PDE4D: variants seen among roughly 807,000 people sequenced by gnomAD.
PDE4D encodes phosphodiesterase 4D.
PDE4D carries 24 observed loss-of-function variants against 87.4 expected under a neutral mutation model. The ratio of observed to expected loss-of-function variants is 0.27; its 90% CI spans 0.20 to 0.39. PDE4D has a LOEUF of 0.39. Ranked by LOEUF, PDE4D falls within the 10% of genes least tolerant of loss-of-function variation. PDE4D has a pLI of 1.00. For synonymous variants in PDE4D, 384 were observed against 383.2 expected (o/e 1.00, Z -0.02); for missense variants, 714 against 1,041.0 (o/e 0.69, Z 4.32).
chr5:59,521,110 TAAA>T (rs11347219), intron 1 of PDE4D, among the ~76,000 whole-genome samples: 78 of 142,674 alleles, frequency 5.5e-4, no homozygotes, highest in African/African-American at 1.1e-3. Context: ...AGGAGATCAC[TAAA>T]AAAAAAAAAA....
intron 5 of PDE4D, among the ~76,000 whole-genome samples, chr5:59,104,675 T>C (rs1367019290): frequency 6.7e-6 from 1 of 148,360 alleles, no homozygotes; most frequent in Non-Finnish European, 1.5e-5. Context: ...AAGGGGGAAC[T>C]AGGAAGAAAA....
intron 6 of PDE4D, among the ~76,000 whole-genome samples, chr5:59,020,600 T>C (rs1445258930): frequency 6.6e-6 from 1 of 152,196 alleles, no homozygotes; most frequent in Non-Finnish European, 1.5e-5. Flanking sequence ...TGTGCTTTGT[T>C]ACTTCATCTG....
chr5:60,321,773 C>G (rs1386842944), intron 1 of PDE4D, among the ~76,000 whole-genome samples: 2 of 152,068 alleles, frequency 1.3e-5, no homozygotes, highest in Non-Finnish European at 2.9e-5. Context: ...ATACACACAA[C>G]CAACAAATAT....
intron 5 of PDE4D, among the ~76,000 whole-genome samples, chr5:59,045,310 T>G (rs888156397): frequency 1.5e-4 from 23 of 152,030 alleles, no homozygotes; most frequent in Admixed American, 2.0e-4. Context: ...TCCCAGCACT[T>G]TGGGAGGCCG....
intron 1 of PDE4D, chr5:60,460,325 A>G: frequency 9.9e-7 from 1 of 1,014,658 alleles, no homozygotes; most frequent in Non-Finnish European, 1.6e-6. Flanking sequence ...TCATCAAAAT[A>G]AAAATCTATT....
intron 2 of PDE4D, among the ~76,000 whole-genome samples, chr5:60,133,853 C>G (rs1395672996): frequency 6.6e-6 from 1 of 152,114 alleles, no homozygotes; most frequent in Non-Finnish European, 1.5e-5. Context: ...CTGGAGTCCA[C>G]AAAGAATTCA....
intron 5 of PDE4D, among the ~76,000 whole-genome samples, chr5:59,175,537 A>T (rs1226012971): frequency 1.6e-5 from 2 of 125,926 alleles, no homozygotes; most frequent in Non-Finnish European, 3.1e-5. Flanking sequence ...GCCGAAGAGC[A>T]GTGGCCTGAT....
chr5:60,206,180 T>C (rs971386529), intron 1 of PDE4D, among the ~76,000 whole-genome samples: 1 of 152,190 alleles, frequency 6.6e-6, no homozygotes, highest in African/African-American at 2.4e-5. Context: ...AACCCCTGAT[T>C]TGAAGTCACC....
chr5:59,395,064 C>G (rs899677896), intron 1 of PDE4D, among the ~76,000 whole-genome samples: 16 of 152,226 alleles, frequency 1.1e-4, no homozygotes, highest in Non-Finnish European at 2.1e-4. Context: ...TATCCCGCAC[C>G]TGGCTGGGAG....
chr5:60,232,612 C>G (rs1369131910), intron 1 of PDE4D, among the ~76,000 whole-genome samples: 1 of 151,828 alleles, frequency 6.6e-6, no homozygotes, highest in Non-Finnish European at 1.5e-5. Context: ...TTCTCAATAA[C>G]TTGTGTACTA....
intron 3 of PDE4D, among the ~76,000 whole-genome samples, chr5:59,937,532 A>G (rs1184329676): frequency 1.3e-5 from 2 of 152,160 alleles, no homozygotes; most frequent in Non-Finnish European, 2.9e-5. Flanking sequence ...ACTCTTTTCC[A>G]GTTTGCAGAT....
At chr5:60,220,716 A>T (rs148225285) in intron 1 of PDE4D, among the ~76,000 whole-genome samples, 4 of 152,232 alleles carry the variant, frequency 2.6e-5, no homozygotes, top group African/African-American at 7.2e-5. Context: ...TTAAAATGCT[A>T]TTCATTCTTT....
In PDE4D at chr5:58,975,559, TA is replaced by T; in HGVS notation, c.2013+97del. The T allele has an allele frequency of 1.0e-6, 1 of 977,430 alleles. No homozygotes were observed. The highest frequency in any genetic ancestry group is 1.4e-6 in the Non-Finnish European group (1 of 717,856). 60.5% of individuals were successfully genotyped at this position (977,430 alleles called of 1,614,324 possible). On this transcript the variant is annotated intron_variant, in intron 14 of 14. Coordinates refer to ENST00000340635, the MANE Select transcript of PDE4D (RefSeq NM_001104631.2). The surrounding 1 kb of genome is among the most constrained non-coding windows in gnomAD (Gnocchi z 4.2). Reference sequence around the variant, plus strand: ...GAGCTTGTCAAAAACAAAGTAATTTTAAAAATCCAGTAAAATACTATCATAT... The same window carrying T: ...GAGCTTGTCAAAAACAAAGTAATTTTAAAATCCAGTAAAATACTATCATAT...
At chr5:59,117,433 C>T (rs939546883) in intron 5 of PDE4D, among the ~76,000 whole-genome samples, 4 of 152,110 alleles carry the variant, frequency 2.6e-5, no homozygotes, top group African/African-American at 4.8e-5. Flanking sequence ...CCACTACAGA[C>T]GGCCACACTT....
chr5:60,033,106 T>G (rs1373098326), intron 2 of PDE4D: 1 of 152,172 alleles, frequency 6.6e-6, no homozygotes, highest in South Asian at 2.1e-4. Flanking sequence ...CCAATATACT[T>G]TTAATTGAGT....
chr5:60,163,729 C>A (rs1249795599), intron 2 of PDE4D, among the ~76,000 whole-genome samples: 1 of 152,160 alleles, frequency 6.6e-6, no homozygotes, highest in South Asian at 2.1e-4. Context: ...TTTCCTCCAA[C>A]CTTTCATTCA....
chr5:59,324,926 G>C (rs867301369), intron 1 of PDE4D, among the ~76,000 whole-genome samples: 1 of 152,232 alleles, frequency 6.6e-6, no homozygotes, highest in Middle Eastern at 3.4e-3. Context: ...CATCTTAGAA[G>C]GCTGCATGGC....
chr5:59,717,794 A>G (rs1461181983), intron 1 of PDE4D, among the ~76,000 whole-genome samples: 2 of 152,204 alleles, frequency 1.3e-5, no homozygotes, highest in Non-Finnish European at 1.5e-5. Context: ...ACTTACTGTA[A>G]AACAGCAGAC....
chr5:60,322,398 ACACACACACACAC>A (rs1461300084), intron 1 of PDE4D, among the ~76,000 whole-genome samples: 7 of 150,598 alleles, frequency 4.6e-5, no homozygotes, highest in East Asian at 2.0e-4. Context: ...ACACACACAC[ACACACACACACAC>A]ACACAAAACC....
Sources: gnomAD v4.1 joint callset for allele counts (sites outside exome capture counted in the v4.1 genomes callset) on GRCh38, gnomAD v4.1.1 for gene constraint, Gnocchi (gnomAD v3.1) non-coding constraint, MANE v1.5 for transcripts, NCBI Gene and HGNC (gene_info 2026-07-23, HGNC 2026-07-21) for gene names.